IGSF10: variants seen among roughly 807,000 people sequenced by gnomAD.
IGSF10 encodes the protein calvaria mechanical force protein 608.
In IGSF10, 126 loss-of-function variants were observed where a neutral mutation model predicts 128.2. That is an observed-to-expected ratio of 0.98 (90% CI 0.85 to 1.14). The LOEUF (loss-of-function observed/expected upper bound fraction) is 1.14, where lower values mean the gene tolerates loss of function less well. Among genes scored for constraint, IGSF10 ranks in the 50% most tolerant of loss-of-function variants. The probability of loss-of-function intolerance (pLI) is 0.00; values close to 1 mark genes in which losing one functional copy is unlikely to be tolerated. For missense variants in IGSF10, 3,295 were observed against 3,149.8 expected (o/e 1.05, Z -1.10); for synonymous variants, 1,185 against 1,146.2 (o/e 1.03, Z -0.68).
chr3:151,559,145 G>T, the IGSF10 span, among the ~76,000 whole-genome samples: 1 of 152,140 alleles, frequency 6.6e-6, no homozygotes, highest in African/African-American at 2.4e-5. Context: ...TTCTAGCCAG[G>T]CTAGAAGAAT....
At chr3:151,464,270 T>A (rs1381873428), upstream of IGSF10, among the ~76,000 whole-genome samples, 1 of 152,228 alleles carries the variant, frequency 6.6e-6, no homozygotes, top group Admixed American at 6.5e-5. Flanking sequence ...CCCCTCTTTT[T>A]GTTACTCTTT....
chr3:151,437,569 A>C lies in IGSF10; in HGVS notation c.6992T>G (p.Leu2331Arg), dbSNP rs1481976853. 6.2e-7 allele frequency: 1 copy of C among 1,614,072 alleles called. No individual in the cohort carries two copies. Residue 2331 changes from leucine (L) to arginine (R), a missense_variant, in exon 8 of 8, where the codon CTG becomes CGG. Coordinates refer to ENST00000282466, the MANE Select transcript of IGSF10 (RefSeq NM_178822.5). ...ESVLVVQLEV[L>R]EMLRRPTFRN... Reference sequence around the variant, plus strand: ...AAATGTCGGTCTTCTCAGCATTTCCAGTACTTCTAACTGTACTACCAACAC... The same window carrying C: ...AAATGTCGGTCTTCTCAGCATTTCCCGTACTTCTAACTGTACTACCAACAC...
At chr3:151,468,495 G>A in the IGSF10 span, among the ~76,000 whole-genome samples, 8 of 152,312 alleles carry the variant, frequency 5.3e-5, no homozygotes, top group South Asian at 1.4e-3. Flanking sequence ...TTCTCCACTA[G>A]AGGGAGCCCA....
intron 5 of IGSF10, 48 bp from the exon 6 acceptor site, chr3:151,449,313 T>C (rs1429521308): frequency 2.1e-6 from 3 of 1,459,410 alleles, no homozygotes; most frequent in Admixed American, 4.7e-5. Context: ...TCTTTATGAA[T>C]TGACACAAAC....
Position 151,437,467 on chromosome 3 carries a change from G to T in IGSF10, c.7094C>A (p.Pro2365Gln). 6.2e-7 allele frequency: 1 copy of T among 1,614,152 alleles called. No individual in the cohort carries two copies. The highest frequency in any genetic ancestry group is 8.5e-7 in the Non-Finnish European group (1 of 1,180,036). ...TAAAATCCAGATTATTTCAGGTGGTGGGTTACCATCAACAGAGCAATTCAA... is the reference window on the plus strand; with the variant it reads ...TAAAATCCAGATTATTTCAGGTGGTTGGTTACCATCAACAGAGCAATTCAA... ...TALNCSVDGNPPPEIIWILPN... is the reference protein window; with the variant it reads ...TALNCSVDGNQPPEIIWILPN... The change falls in exon 8 of 8, where the codon CCA (proline) becomes CAA (glutamine). Residue 2365 changes from proline to glutamine, a missense_variant. By Grantham distance (76) the Pro-to-Gln change is moderately conservative. Coordinates refer to ENST00000282466, the MANE Select transcript of IGSF10 (RefSeq NM_178822.5).
chr3:151,528,633 G>T, the IGSF10 span, among the ~76,000 whole-genome samples: 1 of 152,186 alleles, frequency 6.6e-6, no homozygotes, highest in Non-Finnish European at 1.5e-5. Flanking sequence ...GCCAAGGGAA[G>T]CCATGAGAGA....
At chr3:151,505,557 G>A in the IGSF10 span, among the ~76,000 whole-genome samples, 11 of 152,254 alleles carry the variant, frequency 7.2e-5, no homozygotes, top group African/African-American at 1.7e-4. Flanking sequence ...CCCCGAGAAC[G>A]AAGTTCTTTC....
chr3:151,482,163 G>A, the IGSF10 span, among the ~76,000 whole-genome samples: 1 of 152,084 alleles, frequency 6.6e-6, no homozygotes, highest in African/African-American at 2.4e-5. Context: ...ACTATGAAAG[G>A]AACACAATGA....
chr3:151,444,143 G>A (rs912622780), intron 6 of IGSF10, among the ~76,000 whole-genome samples: 17 of 151,902 alleles, frequency 1.1e-4, no homozygotes, highest in Admixed American at 7.9e-4. Flanking sequence ...TAGGTATGGT[G>A]GTGTGCACTT....
At chr3:151,553,059 T>G in the IGSF10 span, among the ~76,000 whole-genome samples, 1 of 152,144 alleles carries the variant, frequency 6.6e-6, no homozygotes, top group Non-Finnish European at 1.5e-5. Flanking sequence ...TTCATATAAC[T>G]GAAAATATAA....
chr3:151,605,268 A>AT, the IGSF10 span, among the ~76,000 whole-genome samples: 118,874 of 152,136 alleles, frequency 0.78, 46,583 homozygotes, highest in African/African-American at 0.83. Context: ...TTACAAATAA[A>AT]TTTAATGTGT....
At chr3:151,589,148 T>C in the IGSF10 span, among the ~76,000 whole-genome samples, 1 of 152,218 alleles carries the variant, frequency 6.6e-6, no homozygotes, top group African/African-American at 2.4e-5. Flanking sequence ...TAAAATTTTA[T>C]GGAAAATGCA....
At chr3:151,610,120 T>C in the IGSF10 span, among the ~76,000 whole-genome samples, 1 of 152,044 alleles carries the variant, frequency 6.6e-6, no homozygotes, top group Non-Finnish European at 1.5e-5. Context: ...CTCAGTCCAA[T>C]AGAGAGATGA....
chr3:151,617,320 C>CTTCTT, the IGSF10 span, among the ~76,000 whole-genome samples: 1 of 83,630 alleles, frequency 1.2e-5, no homozygotes, highest in South Asian at 4.7e-4. Context: ...CTTCTTCTTC[C>CTTCTT]CCTCCTCCTC....
chr3:151,553,620 G>C, the IGSF10 span, among the ~76,000 whole-genome samples: 1 of 145,222 alleles, frequency 6.9e-6, no homozygotes, highest in Admixed American at 6.8e-5. Flanking sequence ...CTGTGTCTCT[G>C]TCTCTCTCTC....
In IGSF10 at chr3:151,446,692, C is replaced by CCCA. The variant is rs1721215147; in HGVS notation, c.3288_3289insTGG (p.Arg1096_Val1097insTrp). 6.2e-6 allele frequency: 10 copies of CCCA among 1,614,008 alleles called. No individual in the cohort carries two copies. Among genetic ancestry groups the CCCA allele is most frequent in the African/African-American group, 1.3e-5 (1 of 74,904 alleles). Reference sequence around the variant, plus strand: ...AGAGTTGTAGACTCTTCTGATGGGACTCTAGCAATGTCAGCTTTGGGGAAG... The same window carrying CCCA: ...AGAGTTGTAGACTCTTCTGATGGGACCCATCTAGCAATGTCAGCTTTGGGGAAG... On this transcript the variant is annotated inframe_insertion, in exon 6 of 8. Transcript: ENST00000282466.
chr3:151,444,482 AT>A (rs761987376), intron 6 of IGSF10, among the ~76,000 whole-genome samples: 1 of 151,742 alleles, frequency 6.6e-6, no homozygotes, highest in Non-Finnish European at 1.5e-5. Flanking sequence ...TAATTTATGT[AT>A]TTTTTTAGTA....
Position 151,445,032 on chromosome 3 carries a change from A to C in IGSF10, c.4949T>G (p.Ile1650Arg), listed in dbSNP as rs773820268. Reference sequence around the variant, plus strand: ...AAAACTTGCAGCTTTTCCTCCAACTATCCTGGGCTTTTCAAATATATACCT... The same window carrying C: ...AAAACTTGCAGCTTTTCCTCCAACTCTCCTGGGCTTTTCAAATATATACCT... ...LSRYIFEKPR[I>R]VGGKAASFTI... The change falls in exon 6 of 8, where the codon ATA becomes AGA. Residue 1650 changes from isoleucine to arginine, a missense_variant. Transcript: ENST00000282466. The C allele has an allele frequency of 6.2e-7, 1 of 1,614,222 alleles. No homozygotes were observed. The highest frequency in any genetic ancestry group is 8.5e-7 in the Non-Finnish European group (1 of 1,180,028).
chr3:151,509,932 G>T, the IGSF10 span, among the ~76,000 whole-genome samples: 1 of 152,338 alleles, frequency 6.6e-6, no homozygotes, highest in Non-Finnish European at 1.5e-5. Context: ...TGGGGGAGGG[G>T]CACCCACCAT....
Sources: allele counts gnomAD v4.1 joint callset (sites outside exome capture counted in the v4.1 genomes callset), GRCh38; gene constraint gnomAD v4.1.1; transcripts MANE v1.5; gene names NCBI Gene and HGNC (gene_info 2026-07-23, HGNC 2026-07-21).